The following PRDM5 variants were observed in gnomAD, a reference collection of about 807,000 sequenced individuals.
PRDM5 encodes the protein PR/SET domain 5, also known as PR domain zinc finger protein 5.
PRDM5 carries 56 observed loss-of-function variants against 81.2 expected under a neutral mutation model. The ratio of observed to expected loss-of-function variants is 0.69; its 90% CI spans 0.56 to 0.86. PRDM5 has a LOEUF of 0.86. Among genes scored for constraint, PRDM5 ranks in the 40% least tolerant of loss-of-function variants. The pLI is 0.00. For synonymous variants in PRDM5, 267 were observed against 256.4 expected (o/e 1.04, Z -0.39); for missense variants, 697 against 770.1 (o/e 0.91, Z 1.12).
At chr4:120,735,591 G>A (rs1456942425) in intron 14 of PRDM5, among the ~76,000 whole-genome samples, 2 of 152,152 alleles carry the variant, frequency 1.3e-5, no homozygotes, top group Non-Finnish European at 2.9e-5. Context: ...CTGGAGGCTG[G>A]ATGGGAGATA....
intron 10 of PRDM5, among the ~76,000 whole-genome samples, chr4:120,792,863 A>T (rs1480486045): frequency 6.6e-6 from 1 of 152,176 alleles, no homozygotes; most frequent in Admixed American, 6.5e-5. Flanking sequence ...AAGGCTGAAC[A>T]CACAGAAGCA....
intron 8 of PRDM5, among the ~76,000 whole-genome samples, chr4:120,809,845 T>C (rs1422850209): frequency 6.6e-6 from 1 of 152,180 alleles, no homozygotes; most frequent in East Asian, 1.9e-4. Context: ...TGCATTGAGC[T>C]AGCAACTTAT....
chr4:120,849,830 T>C (rs1284854987), intron 3 of PRDM5, among the ~76,000 whole-genome samples: 1 of 152,180 alleles, frequency 6.6e-6, no homozygotes, highest in African/African-American at 2.4e-5. Context: ...ACCCACTTCC[T>C]ATGGAGCTTA....
chr4:120,748,464 CA>C (rs1743472296), intron 14 of PRDM5, among the ~76,000 whole-genome samples: 3 of 152,044 alleles, frequency 2.0e-5, no homozygotes, highest in Admixed American at 2.0e-4. Context: ...GGCAAGATAG[CA>C]AGATCCTGTC....
At position 120,907,724 on chromosome 4, in the gene PRDM5, C is replaced by T. The variant is rs563236566; in HGVS notation, c.94-167G>A. Among the ~76,000 whole-genome samples the T allele has an allele frequency of 6.1e-4, 93 of 152,188 alleles. 1 individual carries two copies. Among genetic ancestry groups the T allele is most frequent in the Non-Finnish European group, 1.3e-4 (9 of 68,032 alleles). Reference sequence around the variant, plus strand: ...CCAACACAAAATGTTTATTTACAATCCAACTTAATCTGTTTTTAGCCTAAA... The same window carrying T: ...CCAACACAAAATGTTTATTTACAATTCAACTTAATCTGTTTTTAGCCTAAA... On this transcript the variant is annotated intron_variant, in intron 1 of 15. Coordinates refer to ENST00000264808, the MANE Select transcript of PRDM5 (RefSeq NM_018699.4).
chr4:120,717,005 G>C (rs1335556209), intron 14 of PRDM5, among the ~76,000 whole-genome samples: 1 of 151,326 alleles, frequency 6.6e-6, no homozygotes, highest in Non-Finnish European at 1.5e-5. Flanking sequence ...GAGTGGTACA[G>C]GGGATAAGAT....
intron 14 of PRDM5, among the ~76,000 whole-genome samples, chr4:120,747,873 G>A (rs1239714902): frequency 6.6e-6 from 1 of 152,186 alleles, no homozygotes; most frequent in East Asian, 1.9e-4. Flanking sequence ...TTTGAAATGT[G>A]TTCAAAAGGC....
At chr4:120,698,385 C>A (rs1734830982) in intron 15 of PRDM5, among the ~76,000 whole-genome samples, 1 of 152,160 alleles carries the variant, frequency 6.6e-6, no homozygotes, top group South Asian at 2.1e-4. Context: ...ATTATCTGGC[C>A]TTTTATTCCC....
At chr4:120,712,780 C>A (rs1208942106) in intron 14 of PRDM5, among the ~76,000 whole-genome samples, 1 of 152,124 alleles carries the variant, frequency 6.6e-6, no homozygotes, top group African/African-American at 2.4e-5. Flanking sequence ...ATATGTAGCT[C>A]ATATTTACTA....
intron 14 of PRDM5, among the ~76,000 whole-genome samples, chr4:120,751,704 T>C (rs1744034931): frequency 6.6e-6 from 1 of 152,198 alleles, no homozygotes; most frequent in African/African-American, 2.4e-5. Context: ...CAATGATTAA[T>C]TGGATTTTGG....
At chr4:120,806,101 G>T (rs897058895) in intron 8 of PRDM5, among the ~76,000 whole-genome samples, 3 of 152,104 alleles carry the variant, frequency 2.0e-5, no homozygotes, top group African/African-American at 7.2e-5. Flanking sequence ...ATTCACAATT[G>T]CTTCAAAGAG....
At chr4:120,861,135 G>A (rs765086049) in intron 2 of PRDM5, among the ~76,000 whole-genome samples, 5 of 152,132 alleles carry the variant, frequency 3.3e-5, no homozygotes, top group Non-Finnish European at 5.9e-5. Flanking sequence ...AGCCTCCCGA[G>A]TAGCTGGGAT....
At chr4:120,793,247 C>T (rs186516365) in intron 10 of PRDM5, among the ~76,000 whole-genome samples, 4 of 152,216 alleles carry the variant, frequency 2.6e-5, no homozygotes, top group Admixed American at 6.5e-5. Context: ...ACTGCACACA[C>T]AAGGGATCTA....
intron 8 of PRDM5, among the ~76,000 whole-genome samples, chr4:120,802,914 A>T (rs1019830889): frequency 1.3e-5 from 2 of 152,212 alleles, no homozygotes; most frequent in African/African-American, 4.8e-5. Context: ...TCTCCGAGCT[A>T]AAGGAAGAAG....
intron 2 of PRDM5, among the ~76,000 whole-genome samples, chr4:120,906,446 C>T (rs952727877): frequency 1.3e-5 from 2 of 152,184 alleles, no homozygotes; most frequent in African/African-American, 4.8e-5. Context: ...ATGATGTTCA[C>T]TTGATGACGC....
At chr4:120,812,774 T>C in intron 7 of PRDM5, 1 of 412,908 alleles carries the variant, frequency 2.4e-6, no homozygotes, top group South Asian at 1.8e-5. Context: ...ACCACCTTTC[T>C]CATATATAAA....
intron 2 of PRDM5, among the ~76,000 whole-genome samples, chr4:120,894,948 TC>T (rs1229537576): frequency 1.3e-5 from 2 of 152,192 alleles, no homozygotes; most frequent in African/African-American, 4.8e-5. Flanking sequence ...ATTCTTTCTC[TC>T]CTCTCCTTGT....
At chr4:120,803,576 C>A (rs535200465) in intron 8 of PRDM5, among the ~76,000 whole-genome samples, 85 of 152,254 alleles carry the variant, frequency 5.6e-4, no homozygotes, top group African/African-American at 1.9e-3. Flanking sequence ...AAAGAATTTT[C>A]AACCCAGCAT....
chr4:120,723,923 A>ATTTTTTTTTTTTTT (rs70948360), intron 14 of PRDM5, among the ~76,000 whole-genome samples: 6 of 81,278 alleles, frequency 7.4e-5, no homozygotes, highest in African/African-American at 3.1e-4. Flanking sequence ...GATAGCTTGA[A>ATTTTTTTTTTTTTT]TTTTTTTTTT....
Sources: gnomAD v4.1 joint callset for allele counts (sites outside exome capture counted in the v4.1 genomes callset) on GRCh38, gnomAD v4.1.1 for gene constraint, MANE v1.5 for transcripts, NCBI Gene and HGNC (gene_info 2026-07-23, HGNC 2026-07-21) for gene names.